SSU72: variants seen among roughly 807,000 people sequenced by gnomAD.
The protein encoded by SSU72 is SSU72 homolog, RNA polymerase II CTD phosphatase.
A neutral mutation model predicts 22.7 loss-of-function variants in SSU72; 12 were observed. The ratio of observed to expected loss-of-function variants is 0.53; its 90% CI spans 0.34 to 0.86. SSU72 has a LOEUF of 0.86. SSU72 is among the 40% of genes least tolerant of loss of function. The pLI is 0.02. For synonymous variants in SSU72, 116 were observed against 98.3 expected (o/e 1.18, Z -1.06); for missense variants, 151 against 249.8 (o/e 0.60, Z 2.67).
intron 2 of SSU72, chr1:1,563,055 C>A (rs1642614324): frequency 6.6e-6 from 1 of 152,430 alleles, no homozygotes; most frequent in Non-Finnish European, 1.5e-5. Flanking sequence ...CAGCAGACGC[C>A]TGGGACTCTG....
chr1:1,564,859 T>C lies in SSU72; in HGVS notation c.138A>G (p.Gly46=), dbSNP rs1642639545. The part of the protein sequence containing the change: ...FGTGTHVKLP[G]PAPDKPNVYD... ...AAACATTGGGCTTGTCGGGAGCTGG[T>C]CCTGGAAGCTTCACGTGAGTCCCTG... Residue 46 remains glycine, a synonymous_variant, in exon 2 of 5, where the codon GGA becomes GGG. Coordinates refer to ENST00000291386, the MANE Select transcript of SSU72 (RefSeq NM_014188.3). 2.5e-6 allele frequency: 4 copies of C among 1,613,978 alleles called. No individual in the cohort carries two copies. Among genetic ancestry groups the C allele is most frequent in the African/African-American group, 1.3e-5 (1 of 74,910 alleles).
At chr1:1,550,041 G>A (rs1462570964) in intron 2 of SSU72, among the ~76,000 whole-genome samples, 4 of 126,208 alleles carry the variant, frequency 3.2e-5, no homozygotes, top group African/African-American at 1.2e-4. Flanking sequence ...AGCCAGGCAT[G>A]GTGGTGCACA....
chr1:1,565,229 C>T (rs914134226), intron 1 of SSU72, among the ~76,000 whole-genome samples: 3 of 152,192 alleles, frequency 2.0e-5, no homozygotes, highest in South Asian at 4.2e-4. Context: ...AAAAATTAGC[C>T]GGGCGCGGTG....
intron 2 of SSU72, among the ~76,000 whole-genome samples, chr1:1,557,082 ATTTG>A (rs1557500484): frequency 6.6e-6 from 1 of 151,914 alleles, no homozygotes; most frequent in Non-Finnish European, 1.5e-5. Flanking sequence ...GAACACATTC[ATTTG>A]TTTGACAAAT....
intron 2 of SSU72, among the ~76,000 whole-genome samples, chr1:1,549,475 C>T (rs11807874): frequency 0.018 from 2,591 of 146,684 alleles, 73 homozygotes; most frequent in African/African-American, 0.062. Flanking sequence ...AGCAAGATCG[C>T]ACCACCGCAC....
intron 2 of SSU72, chr1:1,563,485 T>C (rs1642621015): frequency 7.9e-6 from 1 of 126,452 alleles, no homozygotes; most frequent in Non-Finnish European, 1.6e-5. Context: ...TGAGCTGAGA[T>C]CAAGCCGCTA....
At chr1:1,558,296 A>G (rs980210797) in intron 2 of SSU72, among the ~76,000 whole-genome samples, 2 of 151,776 alleles carry the variant, frequency 1.3e-5, no homozygotes, top group Non-Finnish European at 2.9e-5. Context: ...TGAGTCTGGG[A>G]TGCCCAGGCT....
In SSU72 at chr1:1,542,611, G is replaced by A. The variant is rs1175929398; in HGVS notation, c.484-444C>T. On this transcript the variant is annotated intron_variant, in intron 4 of 4. Coordinates refer to ENST00000291386, the MANE Select transcript of SSU72 (RefSeq NM_014188.3). The surrounding 1 kb of genome is among the most constrained non-coding windows in gnomAD (Gnocchi z 4.4). ...GCAGAGGGCCGCTGCCCCAGAGTGA[G>A]CAGGCCCGGCTCCTAGGCACACCTG... Among the ~76,000 whole-genome samples, 1 of 152,106 alleles carries A rather than the reference G, an allele frequency of 6.6e-6. No individual in the cohort carries two copies.
chr1:1,563,620 G>A (rs1385211266), intron 2 of SSU72: 2 of 152,106 alleles, frequency 1.3e-5, no homozygotes, highest in African/African-American at 2.4e-5. Context: ...GGGAGGACGA[G>A]GAGGGTGGAT....
chr1:1,546,325 A>G (rs941394020), intron 2 of SSU72: 10 of 152,250 alleles, frequency 6.6e-5, no homozygotes, highest in African/African-American at 2.4e-4. Flanking sequence ...CCTGAGCTGC[A>G]TCCTTGGGTC....
chr1:1,555,853 GC>G (rs1642514286), intron 2 of SSU72, among the ~76,000 whole-genome samples: 1 of 152,070 alleles, frequency 6.6e-6, no homozygotes, highest in Non-Finnish European at 1.5e-5. Context: ...AAAAAATCAG[GC>G]CAGGTGGGGT....
chr1:1,567,962 C>T (rs1642682802), intron 1 of SSU72, among the ~76,000 whole-genome samples: 1 of 150,406 alleles, frequency 6.6e-6, no homozygotes, highest in Non-Finnish European at 1.5e-5. Context: ...AGCGTGATCA[C>T]AGCAGCCAAA....
At chr1:1,567,241 C>G (rs1053516235) in intron 1 of SSU72, among the ~76,000 whole-genome samples, 1 of 152,202 alleles carries the variant, frequency 6.6e-6, no homozygotes, top group African/African-American at 2.4e-5. Context: ...CCCACACACA[C>G]AGAGAAGATG....
intron 1 of SSU72, among the ~76,000 whole-genome samples, chr1:1,565,142 G>C (rs1255392447): frequency 6.6e-6 from 1 of 151,912 alleles, no homozygotes; most frequent in Admixed American, 6.6e-5. Context: ...GGATCATGAA[G>C]GCAGGCGGAT....
intron 1 of SSU72, among the ~76,000 whole-genome samples, chr1:1,568,283 T>C (rs1642686459): frequency 6.6e-6 from 1 of 152,204 alleles, no homozygotes; most frequent in Non-Finnish European, 1.5e-5. Context: ...AGTATTTGTC[T>C]GGTATGCCAA....
intron 2 of SSU72, among the ~76,000 whole-genome samples, chr1:1,550,805 A>G (rs921743813): frequency 9.2e-5 from 14 of 152,174 alleles, no homozygotes; most frequent in South Asian, 2.1e-4. Flanking sequence ...CTGGTGGTTC[A>G]TCAGCAGGAA....
intron 1 of SSU72, among the ~76,000 whole-genome samples, chr1:1,571,794 AT>A (rs71578326): frequency 4.0e-5 from 6 of 149,186 alleles, no homozygotes; most frequent in Non-Finnish European, 4.5e-5. Flanking sequence ...TAGCTAAATA[AT>A]TTTTTTTTTT....
chr1:1,570,974 C>A (rs1260884231), intron 1 of SSU72, among the ~76,000 whole-genome samples: 1 of 143,458 alleles, frequency 7.0e-6, no homozygotes, highest in Non-Finnish European at 1.5e-5. Context: ...TGGCCGGGCG[C>A]GGTGGCTCAC....
At chr1:1,548,510 T>C (rs1642419717) in intron 2 of SSU72, among the ~76,000 whole-genome samples, 1 of 145,186 alleles carries the variant, frequency 6.9e-6, no homozygotes. Flanking sequence ...GCTGAGATCA[T>C]GCCACTGCAC....
Sources: gnomAD v4.1 joint callset for allele counts (sites outside exome capture counted in the v4.1 genomes callset) on GRCh38, gnomAD v4.1.1 for gene constraint, Gnocchi (gnomAD v3.1) non-coding constraint, MANE v1.5 for transcripts, NCBI Gene and HGNC (gene_info 2026-07-23, HGNC 2026-07-21) for gene names.